ATF7: variants seen among roughly 807,000 people sequenced by gnomAD.
The protein encoded by ATF7 is cyclic AMP-dependent transcription factor ATF-7.
A neutral mutation model predicts 50.4 loss-of-function variants in ATF7; 10 were observed. That is an observed-to-expected ratio of 0.20 (90% CI 0.12 to 0.34). The LOEUF (loss-of-function observed/expected upper bound fraction) is 0.34. ATF7 is among the 10% of genes least tolerant of loss of function. The pLI is 1.00. For missense variants in ATF7, 465 were observed against 613.9 expected (o/e 0.76, Z 2.56); for synonymous variants, 201 against 226.4 (o/e 0.89, Z 1.01).
intron 2 of ATF7, among the ~76,000 whole-genome samples, chr12:53,582,326 TAAAA>T (rs559306732): frequency 9.6e-6 from 1 of 103,950 alleles, no homozygotes; most frequent in Admixed American, 1.0e-4. Flanking sequence ...AGACTCTGTC[TAAAA>T]AAAAAAAAAA....
intron 2 of ATF7, among the ~76,000 whole-genome samples, chr12:53,554,888 A>AAAAAAAAAAAAAC (rs1220279848): frequency 6.6e-6 from 1 of 150,862 alleles, no homozygotes; most frequent in African/African-American, 2.4e-5. Context: ...AAAAAAAAAA[A>AAAAAAAAAAAAAC]AAAAAAGACA....
intron 2 of ATF7, among the ~76,000 whole-genome samples, chr12:53,563,926 C>T (rs1370364778): frequency 3.9e-5 from 6 of 152,118 alleles, no homozygotes; most frequent in African/African-American, 1.4e-4. Flanking sequence ...TTTTTTGATA[C>T]CAGATTCCCT....
At chr12:53,557,742 C>T (rs1426070117) in intron 2 of ATF7, among the ~76,000 whole-genome samples, 1 of 152,184 alleles carries the variant, frequency 6.6e-6, no homozygotes, top group Non-Finnish European at 1.5e-5. Flanking sequence ...TAGATCTGCA[C>T]TATCTGATAT....
chr12:53,578,564 T>C (rs557375766), intron 2 of ATF7, among the ~76,000 whole-genome samples: 1 of 151,944 alleles, frequency 6.6e-6, no homozygotes, highest in African/African-American at 2.4e-5. Flanking sequence ...GGAGGACTGC[T>C]TTAGCCCGGG....
intron 11 of ATF7, among the ~76,000 whole-genome samples, chr12:53,519,106 G>A (rs1452965572): frequency 6.7e-6 from 1 of 150,020 alleles, no homozygotes; most frequent in African/African-American, 2.4e-5. Flanking sequence ...AGCCATCTTT[G>A]TTACCCTCAG....
At chr12:53,574,844 A>G in intron 2 of ATF7, 1 of 332,142 alleles carries the variant, frequency 3.0e-6, no homozygotes, top group Non-Finnish European at 5.8e-6. Flanking sequence ...AAATAGACAT[A>G]TATTAAAAGA....
At chr12:53,564,386 C>G (rs147683889) in intron 2 of ATF7, among the ~76,000 whole-genome samples, 2 of 152,290 alleles carry the variant, frequency 1.3e-5, no homozygotes, top group East Asian at 3.9e-4. Flanking sequence ...AAAATATAAA[C>G]TAAACTCAAC....
rs2137308678 is a variant in ATF7, at chr12:53,517,501, C to T, written c.1235-147G>A. 4 of 762,408 alleles carry T rather than the reference C, an allele frequency of 5.2e-6. No homozygotes were observed. The South Asian group carries it at 7.4e-5, about 14-fold the overall frequency. The allele number at this position is 762,408 out of a possible 1,614,324, so 47.2% of individuals were successfully genotyped here. A position where few individuals can be genotyped will look rare whatever the true frequency, so the allele number is the denominator to read the frequency against. ...TTTTTGGGGAAAACTTCCCAGAATC[C>T]TGGCTTCTAAGTCATAAATGGGCTA... On this transcript the variant is annotated intron_variant, in intron 11 of 11. Coordinates refer to ENST00000420353, the MANE Select transcript of ATF7 (RefSeq NM_006856.3).
intron 2 of ATF7, among the ~76,000 whole-genome samples, chr12:53,559,106 G>C (rs1940927854): frequency 1.4e-5 from 2 of 143,624 alleles, no homozygotes; most frequent in Admixed American, 1.4e-4. Context: ...ACATCGTTAA[G>C]ACCTTGTCTC....
At chr12:53,606,577 A>G (rs1179938318) in intron 1 of ATF7, among the ~76,000 whole-genome samples, 1 of 151,778 alleles carries the variant, frequency 6.6e-6, no homozygotes, top group African/African-American at 2.4e-5. Context: ...TTTTAATATT[A>G]TTATACTTTA....
intron 2 of ATF7, among the ~76,000 whole-genome samples, chr12:53,581,131 A>T (rs1235878451): frequency 2.0e-5 from 3 of 151,944 alleles, no homozygotes; most frequent in African/African-American, 4.8e-5. Flanking sequence ...AATAAATAAA[A>T]AATAAAAATA....
chr12:53,542,631 A>C (rs370153795), intron 4 of ATF7, among the ~76,000 whole-genome samples: 2 of 152,032 alleles, frequency 1.3e-5, no homozygotes, highest in African/African-American at 4.8e-5. Context: ...AGGTCCTGCT[A>C]TTGCCAAGGC....
At chr12:53,600,783 G>A (rs1036673705) in intron 2 of ATF7, 170 bp downstream of exon 2, 3 of 592,772 alleles carry the variant, frequency 5.1e-6, no homozygotes, top group Non-Finnish European at 8.9e-6. Flanking sequence ...TTTCATTACG[G>A]TAGAGTGCCT....
intron 2 of ATF7, among the ~76,000 whole-genome samples, chr12:53,587,843 A>ATTTTTTTTTTTTTTTTTT (rs201692852): frequency 1.6e-5 from 1 of 61,568 alleles, no homozygotes; most frequent in African/African-American, 5.1e-5. Context: ...ATATATATAT[A>ATTTTTTTTTTTTTTTTTT]TTTTTTTTTT....
chr12:53,541,367 A>G (rs1430375048), intron 4 of ATF7, among the ~76,000 whole-genome samples: 1 of 152,132 alleles, frequency 6.6e-6, no homozygotes, highest in Non-Finnish European at 1.5e-5. Flanking sequence ...GGAATCTTTT[A>G]TGATTCCAGA....
chr12:53,522,215 A>T (rs1428542087), intron 11 of ATF7, among the ~76,000 whole-genome samples: 2 of 152,200 alleles, frequency 1.3e-5, no homozygotes, highest in Non-Finnish European at 2.9e-5. Flanking sequence ...CCAATGTATC[A>T]TCTGTGGTTT....
chr12:53,535,934 C>T (rs1939193913), intron 5 of ATF7, among the ~76,000 whole-genome samples: 1 of 151,640 alleles, frequency 6.6e-6, no homozygotes, highest in East Asian at 1.9e-4. Context: ...AAGAGAATTG[C>T]TTGAGCCTGG....
Position 53,524,692 on chromosome 12 carries a change from C to T in ATF7, c.997G>A (p.Glu333Lys). The T allele has an allele frequency of 6.2e-7, 1 of 1,613,426 alleles. No homozygotes were observed. Among genetic ancestry groups the T allele is most frequent in the Non-Finnish European group, 8.5e-7 (1 of 1,179,864 alleles). ...CGCTCCAGAAAGCGCTGCCGTCGCTCATCTGGATCTTCATCTACTGTGCGC... is the reference window on the plus strand; with the variant it reads ...CGCTCCAGAAAGCGCTGCCGTCGCTTATCTGGATCTTCATCTACTGTGCGC... ...RRRTVDEDPD[E>K]RRQRFLERNR... Residue 333 changes from glutamate (E) to lysine (K), a missense_variant, in exon 10 of 12, where the codon GAG becomes AAG. Physicochemically the swap from Glu to Lys is moderately conservative, Grantham distance 56 (BLOSUM62 1). Coordinates refer to ENST00000420353, the MANE Select transcript of ATF7 (RefSeq NM_006856.3). The surrounding 1 kb of genome is among the most constrained non-coding windows in gnomAD (Gnocchi z 4.6).
At chr12:53,521,613 G>A (rs1938134659) in intron 11 of ATF7, among the ~76,000 whole-genome samples, 1 of 152,126 alleles carries the variant, frequency 6.6e-6, no homozygotes, top group Non-Finnish European at 1.5e-5. Context: ...CTATCCTGCT[G>A]CTAACATTTC....
Sources: allele counts gnomAD v4.1 joint callset (sites outside exome capture counted in the v4.1 genomes callset), GRCh38; gene constraint gnomAD v4.1.1; non-coding constraint Gnocchi (gnomAD v3.1); transcripts MANE v1.5; gene names NCBI Gene and HGNC (gene_info 2026-07-23, HGNC 2026-07-21).